ZW10: variants seen among roughly 807,000 people sequenced by gnomAD.
ZW10 encodes zw10 kinetochore protein, also known as centromere/kinetochore protein zw10 homolog.
In ZW10, 53 loss-of-function variants were observed where a neutral mutation model predicts 87.8. The observed-to-expected ratio is 0.60, with a 90% confidence interval of 0.48 to 0.76. The LOEUF (loss-of-function observed/expected upper bound fraction) is 0.76, where lower values mean the gene tolerates loss of function less well. Among genes scored for constraint, ZW10 ranks in the 30% least tolerant of loss-of-function variants. The probability of loss-of-function intolerance (pLI) is 0.00; values close to 1 mark genes in which losing one functional copy is unlikely to be tolerated. For synonymous variants in ZW10, 312 were observed against 329.2 expected (o/e 0.95, Z 0.57); for missense variants, 837 against 923.0 (o/e 0.91, Z 1.21).
intron 15 of ZW10, among the ~76,000 whole-genome samples, chr11:113,735,906 T>C (rs1442724260): frequency 6.6e-6 from 1 of 152,096 alleles, no homozygotes; most frequent in African/African-American, 2.4e-5. Flanking sequence ...CAAACAGTAG[T>C]CTGATGCTCA....
intron 5 of ZW10, among the ~76,000 whole-genome samples, chr11:113,760,008 G>A (rs79237665): frequency 0.078 from 11,849 of 152,276 alleles, 568 homozygotes; most frequent in African/African-American, 0.13. Context: ...TAAGAGGGAT[G>A]TAAGGGAAGC....
Position 113,758,603 on chromosome 11 carries a change from G to C in ZW10, c.684C>G (p.Leu228=), listed in dbSNP as rs189030278. Reference sequence around the variant, plus strand: ...GTTCTCCAAGAACAGAAAATGCCAAGAGGACAGAACTGATGGGTGGCATAG... The same window carrying C: ...GTTCTCCAAGAACAGAAAATGCCAACAGGACAGAACTGATGGGTGGCATAG... ...KTPMPPISSV[L]LAFSVLGELH... Residue 228 remains leucine, a synonymous_variant, in exon 6 of 16, where the codon CTC becomes CTG. Coordinates refer to ENST00000200135, the MANE Select transcript of ZW10 (RefSeq NM_004724.4). 3 of 1,612,938 alleles carry C rather than the reference G, an allele frequency of 1.9e-6. No individual in the cohort carries two copies. The highest frequency in any genetic ancestry group is 2.7e-5 in the African/African-American group (2 of 74,756).
chr11:113,739,234 C>A lies in ZW10; in HGVS notation c.1732G>T (p.Val578Leu), dbSNP rs146035001. 578 of 1,613,764 alleles carry A rather than the reference C, an allele frequency of 3.6e-4. No individual in the cohort carries two copies. Among genetic ancestry groups the A allele is most frequent in the Non-Finnish European group, 4.6e-4 (545 of 1,179,930 alleles). The change falls in exon 12 of 16, where the codon GTA becomes TTA. Residue 578 changes from valine to leucine, a missense_variant. Physicochemically the swap from Val to Leu is conservative, Grantham distance 32. Transcript: ENST00000200135. The part of the protein sequence containing the change: ...CDGTATFVDL[V>L]PGFRRLGTEC... ...TTACCAAGTCTCCTGAAGCCAGGTA[C>A]AAGATCCACAAAAGTAGCAGTGCCA...
At chr11:113,744,969 C>T (rs1423247598) in intron 9 of ZW10, among the ~76,000 whole-genome samples, 1 of 152,118 alleles carries the variant, frequency 6.6e-6, no homozygotes, top group Non-Finnish European at 1.5e-5. Flanking sequence ...ATTAGTATTA[C>T]AGAGCAGCAT....
chr11:113,758,312 T>A (rs1190486180), intron 6 of ZW10, among the ~76,000 whole-genome samples: 1 of 151,582 alleles, frequency 6.6e-6, no homozygotes, highest in East Asian at 1.9e-4. Context: ...GTTTCCCAGA[T>A]TGTCTACAGA....
intron 11 of ZW10, among the ~76,000 whole-genome samples, chr11:113,740,562 C>T (rs557322717): frequency 6.6e-6 from 1 of 152,200 alleles, no homozygotes; most frequent in South Asian, 2.1e-4. Context: ...CCAGCCTAGG[C>T]AACAGAGTTA....
chr11:113,764,571 T>A (rs530564065), intron 2 of ZW10, among the ~76,000 whole-genome samples: 5 of 152,192 alleles, frequency 3.3e-5, no homozygotes, highest in Non-Finnish European at 7.3e-5. Context: ...ATTCATCTTC[T>A]ATAAGCTTTT....
intron 5 of ZW10, 111 bp downstream of exon 5, chr11:113,760,095 CATG>C: frequency 7.8e-7 from 1 of 1,282,750 alleles, no homozygotes; most frequent in African/African-American, 1.5e-5. Context: ...TCAATACAGA[CATG>C]GAAGATTATG....
Position 113,733,571 on chromosome 11 carries a change from CA to C in ZW10, c.*122del, listed in dbSNP as rs555191491. ...GAGGTAAGACGTTCTTCTGTAAAGTCAAACTTCCAAGATGTACTGGTTCACC... is the reference window on the plus strand; with the variant it reads ...GAGGTAAGACGTTCTTCTGTAAAGTCAACTTCCAAGATGTACTGGTTCACC... On this transcript the variant is annotated 3_prime_UTR_variant, in exon 16 of 16. Transcript: ENST00000200135. 4,072 of 1,371,038 alleles carry C rather than the reference CA, an allele frequency of 3.0e-3. 10 individuals are homozygous for C. Among genetic ancestry groups the C allele is most frequent in the Non-Finnish European group, 3.8e-3 (3,745 of 985,604 alleles). The allele number at this position is 1,371,038 out of a possible 1,614,324, so 84.9% of individuals were successfully genotyped here.
At chr11:113,770,807 G>C (rs1352139637) in intron 1 of ZW10, among the ~76,000 whole-genome samples, 1 of 147,872 alleles carries the variant, frequency 6.8e-6, no homozygotes, top group Non-Finnish European at 1.5e-5. Context: ...GACAGGGCGA[G>C]AGAGACTCTA....
At chr11:113,756,821 T>C (rs1953791845) in intron 7 of ZW10, among the ~76,000 whole-genome samples, 1 of 152,198 alleles carries the variant, frequency 6.6e-6, no homozygotes, top group Non-Finnish European at 1.5e-5. Context: ...AAAATAAAAT[T>C]GTATTCCTCC....
At chr11:113,755,613 A>C (rs1280377896) in intron 7 of ZW10, among the ~76,000 whole-genome samples, 1 of 152,196 alleles carries the variant, frequency 6.6e-6, no homozygotes, top group Non-Finnish European at 1.5e-5. Context: ...AAGCAGTGGC[A>C]GGGTGAGAAG....
chr11:113,738,214 A>C, intron 13 of ZW10, 50 bp downstream of exon 13: 2 of 1,515,356 alleles, frequency 1.3e-6, no homozygotes, highest in Non-Finnish European at 1.8e-6. Context: ...ACAAAAAAAA[A>C]GGCATCTAAG....
At position 113,773,633 on chromosome 11, in the gene ZW10, A is replaced by G. The variant is rs1196458392; in HGVS notation, c.34T>C (p.Ser12Pro). The G allele has an allele frequency of 6.2e-7, 1 of 1,613,934 alleles. No individual in the cohort carries two copies. Among genetic ancestry groups the G allele is most frequent in the Non-Finnish European group, 8.5e-7 (1 of 1,179,944 alleles). Residue 12 changes from serine to proline, a missense_variant, in exon 1 of 16, where the codon TCC becomes CCC. Transcript: ENST00000200135. Reference sequence around the variant, plus strand: ...AGATCCTCCTTTTCCAGCCTCCCGGAGTGTGCCAAAACTTCTGTCACGAAC... The same window carrying G: ...AGATCCTCCTTTTCCAGCCTCCCGGGGTGTGCCAAAACTTCTGTCACGAAC... Reference protein sequence around the residue: ...ASFVTEVLAHSGRLEKEDLGT... With the variant: ...ASFVTEVLAHPGRLEKEDLGT...
chr11:113,758,603 G>A lies in ZW10; in HGVS notation c.684C>T (p.Leu228=), dbSNP rs189030278. The stretch of plus-strand genomic sequence containing the variant: ...GTTCTCCAAGAACAGAAAATGCCAA[G>A]AGGACAGAACTGATGGGTGGCATAG... ...KTPMPPISSV[L]LAFSVLGELH... Residue 228 remains leucine (L), a synonymous_variant, in exon 6 of 16, where the codon CTC becomes CTT. Coordinates refer to ENST00000200135, the MANE Select transcript of ZW10 (RefSeq NM_004724.4). 2.5e-6 allele frequency: 4 copies of A among 1,613,056 alleles called. No individual in the cohort carries two copies. In the African/African-American group the frequency reaches 5.3e-5, roughly 22 times the overall value.
At position 113,748,240 on chromosome 11, in the gene ZW10, C is replaced by T. The variant is rs534590087; in HGVS notation, c.1089+17G>A. 4 of 1,596,802 alleles carry T rather than the reference C, an allele frequency of 2.5e-6. No homozygotes were observed. The East Asian group carries it at 6.7e-5, about 27-fold the overall frequency. On this transcript the variant is annotated intron_variant, in intron 8 of 15. Transcript: ENST00000200135. ...CAACAGTGTCTTAAAACCTTCTGTGCTGTCTGGGCTCTTTACCTCTTCATA... is the reference window on the plus strand; with the variant it reads ...CAACAGTGTCTTAAAACCTTCTGTGTTGTCTGGGCTCTTTACCTCTTCATA...
At chr11:113,747,382 T>C (rs570856600) in intron 9 of ZW10, 149 bp downstream of exon 9, 5 of 655,554 alleles carry the variant, frequency 7.6e-6, no homozygotes, top group East Asian at 2.7e-5. Context: ...AGGACCACTT[T>C]AAAGGAGACA....
At chr11:113,772,010 G>A (rs1953972774) in intron 1 of ZW10, among the ~76,000 whole-genome samples, 1 of 152,164 alleles carries the variant, frequency 6.6e-6, no homozygotes, top group African/African-American at 2.4e-5. Flanking sequence ...GAGCACAAAT[G>A]AGAAAGAGAT....
chr11:113,742,043 G>C (rs1245850013), intron 10 of ZW10, among the ~76,000 whole-genome samples: 1 of 152,212 alleles, frequency 6.6e-6, no homozygotes, highest in African/African-American at 2.4e-5. Context: ...ATCAATTTCT[G>C]TTCTGCCAGT....
Sources: gnomAD v4.1 joint callset for allele counts (sites outside exome capture counted in the v4.1 genomes callset) on GRCh38, gnomAD v4.1.1 for gene constraint, MANE v1.5 for transcripts, NCBI Gene and HGNC (gene_info 2026-07-23, HGNC 2026-07-21) for gene names.